BRIP1: variants seen among roughly 807,000 people sequenced by gnomAD.
BRIP1 encodes BRCA1 interacting DNA helicase 1.
Under a neutral mutation model 119.7 loss-of-function variants are expected in BRIP1, and 88 were observed. The ratio of observed to expected loss-of-function variants is 0.74; its 90% CI spans 0.62 to 0.88. BRIP1 has a LOEUF of 0.88. Among genes scored for constraint, BRIP1 ranks in the 40% least tolerant of loss-of-function variants. The pLI is 0.00. For synonymous variants in BRIP1, 443 were observed against 496.5 expected (o/e 0.89, Z 1.43); for missense variants, 1,259 against 1,455.4 (o/e 0.87, Z 2.20).
Position 61,806,890 on chromosome 17 carries a change from GT to G in BRIP1, c.918+1576del, listed in dbSNP as rs2078082044. On this transcript the variant is annotated intron_variant, in intron 7 of 19. Coordinates refer to ENST00000259008, the MANE Select transcript of BRIP1 (RefSeq NM_032043.3). The surrounding 1 kb of genome is among the most constrained non-coding windows in gnomAD (Gnocchi z 4.9). ...TTTTTTGTATTTTTAGTAGAGATGT[GT>G]TTTGCCATGTTGGCCAGGCCAGTCT... Among the ~76,000 whole-genome samples, 1 of 152,108 alleles carries G rather than the reference GT, an allele frequency of 6.6e-6. No homozygotes were observed. Among genetic ancestry groups the G allele is most frequent in the Non-Finnish European group, 1.5e-5 (1 of 68,004 alleles).
intron 16 of BRIP1, among the ~76,000 whole-genome samples, chr17:61,721,771 C>T (rs1355272777): frequency 2.1e-5 from 3 of 141,486 alleles, no homozygotes; most frequent in Admixed American, 7.3e-5. Flanking sequence ...GATCTCAGCT[C>T]ACTGCAACCT....
At chr17:61,829,914 A>T (rs1443082318) in intron 6 of BRIP1, among the ~76,000 whole-genome samples, 1 of 150,546 alleles carries the variant, frequency 6.6e-6, no homozygotes, top group Non-Finnish European at 1.5e-5. Flanking sequence ...GTTATCAACT[A>T]TTTAAGTTTC....
At position 61,682,076 on chromosome 17, in the gene BRIP1, T is replaced by C. The variant is rs905772379; in HGVS notation, c.*1220A>G. The stretch of plus-strand genomic sequence containing the variant: ...ATTTTTGATTAGACATATAGCTTCA[T>C]TCACAAAAACACAAACAAGGTCAAA... On this transcript the variant is annotated 3_prime_UTR_variant, in exon 20 of 20. Coordinates refer to ENST00000259008, the MANE Select transcript of BRIP1 (RefSeq NM_032043.3). The surrounding 1 kb of genome is among the most constrained non-coding windows in gnomAD (Gnocchi z 4.9). 4.9e-6 allele frequency: 1 copy of C among 204,344 alleles called. No homozygotes were observed. The highest frequency in any genetic ancestry group is 1.0e-5 in the Non-Finnish European group (1 of 99,840). The allele number at this position is 204,344 out of a possible 1,614,324, so 12.7% of individuals were successfully genotyped here. A position where few individuals can be genotyped will look rare whatever the true frequency, so the allele number is the denominator to read the frequency against.
At position 61,722,341 on chromosome 17, in the gene BRIP1, C is replaced by G. The variant is rs537061833; in HGVS notation, c.2380-6278G>C. Among the ~76,000 whole-genome samples, 1 of 152,102 alleles carries G rather than the reference C, an allele frequency of 6.6e-6. No individual in the cohort carries two copies. Among genetic ancestry groups the G allele is most frequent in the Non-Finnish European group, 1.5e-5 (1 of 68,014 alleles). On this transcript the variant is annotated intron_variant, in intron 16 of 19. Coordinates refer to ENST00000259008, the MANE Select transcript of BRIP1 (RefSeq NM_032043.3). This position sits in a 1 kb window ranked among gnomAD's most constrained non-coding sequence, Gnocchi z 4.6. ...CAGGCATGGAGCCACTGCCCCCAGC[C>G]CAACTTTGCTTTTTAGGGCAACATA... is the stretch of plus-strand genomic sequence containing the variant.
intron 16 of BRIP1, among the ~76,000 whole-genome samples, chr17:61,719,184 C>CG (rs1198949126): frequency 2.0e-5 from 3 of 148,564 alleles, no homozygotes; most frequent in East Asian, 2.1e-4. Flanking sequence ...TTGCCCCCCC[C>CG]CCATGTTTAT....
rs1003384860 is a variant in BRIP1 at position 61,774,751 on chromosome 17, G to A, written c.2097+1650C>T. Among the ~76,000 whole-genome samples, 1 of 152,092 alleles carries A rather than the reference G, an allele frequency of 6.6e-6. No homozygotes were observed. Among genetic ancestry groups the A allele is most frequent in the African/African-American group, 2.4e-5 (1 of 41,422 alleles). On this transcript the variant is annotated intron_variant, in intron 14 of 19. Transcript: ENST00000259008. This position sits in a 1 kb window ranked among gnomAD's most constrained non-coding sequence, Gnocchi z 5.8. ...GTCTTTATTTTTAATTGAAAAGCTAGAAGCAGAAAAATAATCTATTCATTT... is the reference window on the plus strand; with the variant it reads ...GTCTTTATTTTTAATTGAAAAGCTAAAAGCAGAAAAATAATCTATTCATTT...
intron 6 of BRIP1, among the ~76,000 whole-genome samples, chr17:61,811,159 A>G (rs888609644): frequency 3.3e-5 from 5 of 152,206 alleles, no homozygotes; most frequent in African/African-American, 1.2e-4. Context: ...TAATATGAAC[A>G]AATTATAACA....
chr17:61,763,801 G>A (rs1025133644), intron 14 of BRIP1, among the ~76,000 whole-genome samples: 3 of 152,106 alleles, frequency 2.0e-5, no homozygotes, highest in African/African-American at 7.2e-5. Context: ...ATAGATGGGT[G>A]AAACTCTTAA....
At chr17:61,732,003 T>TGA in intron 16 of BRIP1, among the ~76,000 whole-genome samples, 1 of 141,024 alleles carries the variant, frequency 7.1e-6, no homozygotes, top group Non-Finnish European at 1.5e-5. Context: ...TTTTTTTTTT[T>TGA]GAGACAGAGT....
At position 61,725,382 on chromosome 17, in the gene BRIP1, G is replaced by A. The variant is rs762517233; in HGVS notation, c.2380-9319C>T. Among the ~76,000 whole-genome samples, 4 of 152,046 alleles carry A rather than the reference G, an allele frequency of 2.6e-5. No individual in the cohort carries two copies. Among genetic ancestry groups the A allele is most frequent in the South Asian group, 2.1e-4 (1 of 4,822 alleles). Reference sequence around the variant, plus strand: ...TTTGGATAAGGTGCTTTTTTTGGTAGAGAAATCTATATTAAACTTAGTATC... The same window carrying A: ...TTTGGATAAGGTGCTTTTTTTGGTAAAGAAATCTATATTAAACTTAGTATC... On this transcript the variant is annotated intron_variant, in intron 16 of 19. Transcript: ENST00000259008. This position sits in a 1 kb window ranked among gnomAD's most constrained non-coding sequence, Gnocchi z 5.3.
intron 10 of BRIP1, among the ~76,000 whole-genome samples, chr17:61,787,025 TATAA>T (rs1239225389): frequency 5.1e-5 from 6 of 117,610 alleles, no homozygotes; most frequent in African/African-American, 1.0e-4. Flanking sequence ...TAATTTTATT[TATAA>T]ATAAATTTAT....
intron 16 of BRIP1, among the ~76,000 whole-genome samples, chr17:61,732,309 GT>G (rs2076859280): frequency 6.6e-6 from 1 of 152,064 alleles, no homozygotes; most frequent in South Asian, 2.1e-4. Context: ...AATCTGAATA[GT>G]TTTGTTGTAA....
chr17:61,837,685 C>T (rs1410470329), intron 6 of BRIP1, among the ~76,000 whole-genome samples: 2 of 151,892 alleles, frequency 1.3e-5, no homozygotes, highest in East Asian at 1.9e-4. Flanking sequence ...AATATCAAAA[C>T]GTTAACATAC....
Position 61,780,158 on chromosome 17 carries a change from C to G in BRIP1, c.1935+103G>C. On this transcript the variant is annotated intron_variant, in intron 13 of 19. Coordinates refer to ENST00000259008, the MANE Select transcript of BRIP1 (RefSeq NM_032043.3). This position sits in a 1 kb window ranked among gnomAD's most constrained non-coding sequence, Gnocchi z 5.4. ...AAAACTGGAATGTTGAATTTCCTAC[C>G]AAGATTTACTTGCTGGCACTTCAGG... 1 of 1,259,960 alleles carries G rather than the reference C, an allele frequency of 7.9e-7. No individual in the cohort carries two copies. The allele number at this position is 1,259,960 out of a possible 1,614,324, so 78.0% of individuals were successfully genotyped here. A position where few individuals can be genotyped will look rare whatever the true frequency, so the allele number is the denominator to read the frequency against.
At position 61,770,331 on chromosome 17, in the gene BRIP1, G is replaced by A. The variant is rs1306810059; in HGVS notation, c.2097+6070C>T. Reference sequence around the variant, plus strand: ...AGGATTACAACAGAGAGAGACAGCTGCAAGGCTCAGATTCTATTTAAGAAT... The same window carrying A: ...AGGATTACAACAGAGAGAGACAGCTACAAGGCTCAGATTCTATTTAAGAAT... On this transcript the variant is annotated intron_variant, in intron 14 of 19. Transcript: ENST00000259008. This position sits in a 1 kb window ranked among gnomAD's most constrained non-coding sequence, Gnocchi z 4.7. 1.3e-5 allele frequency among the ~76,000 whole-genome samples: 2 copies of A among 152,192 alleles called. No individual in the cohort carries two copies. Among genetic ancestry groups the A allele is most frequent in the Non-Finnish European group, 2.9e-5 (2 of 68,038 alleles).
chr17:61,765,354 ATGTGTG>A (rs146643187), intron 14 of BRIP1, among the ~76,000 whole-genome samples: 12 of 41,524 alleles, frequency 2.9e-4, no homozygotes, highest in African/African-American at 6.2e-4. Context: ...ATACATATGT[ATGTGTG>A]TGTGTGTGTG....
chr17:61,774,108 A>G lies in BRIP1; in HGVS notation c.2097+2293T>C. Among the ~76,000 whole-genome samples, 1 of 152,242 alleles carries G rather than the reference A, an allele frequency of 6.6e-6. No homozygotes were observed. The highest frequency in any genetic ancestry group is 1.5e-5 in the Non-Finnish European group (1 of 68,044). On this transcript the variant is annotated intron_variant, in intron 14 of 19. Transcript: ENST00000259008. The surrounding 1 kb of genome is among the most constrained non-coding windows in gnomAD (Gnocchi z 5.8). ...TGGGTATATACCCAAAGGATTATAA[A>G]TCATGCTACTATAAAGACACATGCA... is the stretch of plus-strand genomic sequence containing the variant.
rs2076896354 is a variant in BRIP1, at chr17:61,734,803, T to A, written c.2379+8210A>T. On this transcript the variant is annotated intron_variant, in intron 16 of 19. Coordinates refer to ENST00000259008, the MANE Select transcript of BRIP1 (RefSeq NM_032043.3). This position sits in a 1 kb window ranked among gnomAD's most constrained non-coding sequence, Gnocchi z 5.2. ...TATTTTAACTTTTACTTCCATAATC[T>A]TTCTCAAATTTAAGAAAAAATTTTA... is the stretch of plus-strand genomic sequence containing the variant. 6.6e-6 allele frequency among the ~76,000 whole-genome samples: 1 copy of A among 152,202 alleles called. No homozygotes were observed. Among genetic ancestry groups the A allele is most frequent in the South Asian group, 2.1e-4 (1 of 4,834 alleles).
In BRIP1 at chr17:61,708,199, G is replaced by A. The variant is rs538695689; in HGVS notation, c.2492+7752C>T. Among the ~76,000 whole-genome samples the A allele has an allele frequency of 6.6e-6, 1 of 152,216 alleles. No individual in the cohort carries two copies. The highest frequency in any genetic ancestry group is 6.5e-5 in the Admixed American group (1 of 15,294). On this transcript the variant is annotated intron_variant, in intron 17 of 19. Coordinates refer to ENST00000259008, the MANE Select transcript of BRIP1 (RefSeq NM_032043.3). This position sits in a 1 kb window ranked among gnomAD's most constrained non-coding sequence, Gnocchi z 4.4. ...CCCCACAGCCACAATCTTGCCTATG[G>A]TCAAAGTTACTCACGGTCAAATGTA...
Sources: gnomAD v4.1 joint callset for allele counts (sites outside exome capture counted in the v4.1 genomes callset) on GRCh38, gnomAD v4.1.1 for gene constraint, Gnocchi (gnomAD v3.1) non-coding constraint, MANE v1.5 for transcripts, NCBI Gene and HGNC (gene_info 2026-07-23, HGNC 2026-07-21) for gene names.